Variants in DNMBP observed in about 807,000 individuals in gnomAD.
DNMBP encodes dynamin-binding protein.
Under a neutral mutation model 150.0 loss-of-function variants are expected in DNMBP, and 87 were observed. The ratio of observed to expected loss-of-function variants is 0.58; its 90% CI spans 0.49 to 0.69. The LOEUF is 0.69. DNMBP is among the 30% of genes least tolerant of loss of function. The probability of loss-of-function intolerance (pLI) is 0.00; values close to 1 mark genes in which losing one functional copy is unlikely to be tolerated. For missense variants in DNMBP, 1,774 were observed against 1,949.0 expected, an observed-to-expected ratio of 0.91 and a Z score of 1.69; for synonymous variants, 711 against 750.4, an observed-to-expected ratio of 0.95 and a Z score of 0.86.
intron 4 of DNMBP, among the ~76,000 whole-genome samples, chr10:99,939,735 C>T (rs908981055): frequency 2.0e-5 from 3 of 152,234 alleles, no homozygotes; most frequent in African/African-American, 7.2e-5. Context: ...TAGAAGGTAA[C>T]AAGATTTGCA....
rs559947538 is a variant in DNMBP, at chr10:99,902,619, T to TAAA, written c.2555-2556_2555-2554dup. ...AACACCGCACCCGGCTGCCTCCCTT[T>TAAA]AAAAAAAAAAAAAAAAAAAAATTGT... On this transcript the variant is annotated intron_variant, in intron 6 of 16. Coordinates refer to ENST00000324109, the MANE Select transcript of DNMBP (RefSeq NM_015221.4). 6.2e-3 allele frequency among the ~76,000 whole-genome samples: 770 copies of TAAA among 125,140 alleles called. 3 individuals carry two copies. Among genetic ancestry groups the TAAA allele is most frequent in the African/African-American group, 9.3e-3 (309 of 33,188 alleles). 82.1% of individuals were successfully genotyped at this position (125,140 alleles called of 152,430 possible).
chr10:99,882,163 A>G (rs1235653895), intron 15 of DNMBP, among the ~76,000 whole-genome samples: 2 of 152,164 alleles, frequency 1.3e-5, no homozygotes, highest in African/African-American at 4.8e-5. Flanking sequence ...GAATCTAGAC[A>G]AGTTGATCTC....
intron 4 of DNMBP, chr10:99,914,056 T>C (rs1367160573): frequency 6.8e-7 from 1 of 1,465,538 alleles, no homozygotes; most frequent in Non-Finnish European, 9.0e-7. Flanking sequence ...CCCCCCAAAC[T>C]CCTTTGAATA....
chr10:99,915,477 C>T (rs139552392), intron 4 of DNMBP, among the ~76,000 whole-genome samples: 36 of 151,476 alleles, frequency 2.4e-4, no homozygotes, highest in African/African-American at 7.5e-4. Flanking sequence ...GAGATAGAGG[C>T]GGGAGGATCA....
chr10:99,907,860 C>T, intron 6 of DNMBP, 135 bp downstream of exon 6: 1 of 630,066 alleles, frequency 1.6e-6, no homozygotes, highest in East Asian at 2.7e-5. Context: ...AAGCAGAGGA[C>T]AAGTAACCTC....
chr10:99,910,749 T>C (rs1400954327), intron 4 of DNMBP, among the ~76,000 whole-genome samples: 7 of 152,150 alleles, frequency 4.6e-5, no homozygotes, highest in African/African-American at 1.7e-4. Context: ...GAGGCCAGCT[T>C]GAAGGGGCTC....
intron 4 of DNMBP, chr10:99,914,132 C>T: frequency 7.6e-7 from 1 of 1,320,338 alleles, no homozygotes; most frequent in African/African-American, 1.5e-5. Context: ...CGGGCTATCA[C>T]AGCAGGGCTT....
At chr10:99,900,885 A>G (rs2039728978) in intron 6 of DNMBP, among the ~76,000 whole-genome samples, 2 of 152,210 alleles carry the variant, frequency 1.3e-5, no homozygotes, top group African/African-American at 4.8e-5. Flanking sequence ...AAAGTATATT[A>G]CATTAAAATA....
intron 11 of DNMBP, among the ~76,000 whole-genome samples, chr10:99,891,417 C>T (rs1157796898): frequency 8.6e-5 from 13 of 151,714 alleles, no homozygotes; most frequent in South Asian, 2.1e-4. Flanking sequence ...GCGAGTGATC[C>T]GCCAGCCTCG....
At chr10:100,008,726 G>C (rs186582748) in intron 1 of DNMBP, among the ~76,000 whole-genome samples, 5 of 152,298 alleles carry the variant, frequency 3.3e-5, no homozygotes, top group African/African-American at 1.2e-4. Flanking sequence ...CAATATTTTA[G>C]AGAAAAATGG....
chr10:99,955,326 G>A lies in DNMBP; in HGVS notation c.2148C>T (p.Asn716=). ...DMYSRAQEEL[N]LMLEEKQDES... ...CATCCTGCTTCTCCTCCAGCATGAG[G>A]TTTAGCTCTTCTTGAGCTCTACTGT... Residue 716 remains asparagine (N), a synonymous_variant, in exon 4 of 17, where the codon AAC becomes AAT. Coordinates refer to ENST00000324109, the MANE Select transcript of DNMBP (RefSeq NM_015221.4). 1 of 1,614,134 alleles carries A rather than the reference G, an allele frequency of 6.2e-7. No individual in the cohort carries two copies. Among genetic ancestry groups the A allele is most frequent in the Non-Finnish European group, 8.5e-7 (1 of 1,180,010 alleles).
intron 4 of DNMBP, among the ~76,000 whole-genome samples, chr10:99,946,524 A>G (rs955821024): frequency 2.0e-5 from 3 of 152,248 alleles, no homozygotes; most frequent in Non-Finnish European, 4.4e-5. Flanking sequence ...AGAATTCTCT[A>G]TACAATAAAT....
intron 4 of DNMBP, among the ~76,000 whole-genome samples, chr10:99,940,636 C>T (rs551332671): frequency 5.3e-5 from 8 of 152,326 alleles, no homozygotes; most frequent in South Asian, 2.1e-4. Flanking sequence ...CTCAATCCAA[C>T]GTCCCCTGCT....
chr10:99,897,562 T>C (rs2039673742), intron 9 of DNMBP, among the ~76,000 whole-genome samples: 1 of 152,242 alleles, frequency 6.6e-6, no homozygotes, highest in South Asian at 2.1e-4. Flanking sequence ...AAGGCTCTTA[T>C]TGCTATATAT....
Position 99,894,991 on chromosome 10 carries a change from A to T in DNMBP, c.3111T>A (p.Ile1037=). ...EKNFRMQERL[I]KSFIRDLSLY... is the part of the protein sequence containing the mutation. ...GAGACAGGTCTCGGATAAAAGACTT[A>T]ATCAATCTTTCTTGCATTCGGAAGT... The change falls in exon 11 of 17, where the codon ATT becomes ATA. Residue 1037 remains isoleucine, a synonymous_variant. Transcript: ENST00000324109. 1 of 1,614,058 alleles carries T rather than the reference A, an allele frequency of 6.2e-7. No homozygotes were observed. The highest frequency in any genetic ancestry group is 2.2e-5 in the East Asian group (1 of 44,884).
intron 10 of DNMBP, 107 bp downstream of exon 10, chr10:99,896,160 G>C: frequency 1.5e-6 from 2 of 1,309,650 alleles, no homozygotes; most frequent in Non-Finnish European, 2.1e-6. Context: ...TAAAACCGGA[G>C]GACGTCTGAG....
intron 4 of DNMBP, among the ~76,000 whole-genome samples, chr10:99,952,907 A>G (rs1222978913): frequency 6.6e-6 from 1 of 152,096 alleles, no homozygotes; most frequent in African/African-American, 2.4e-5. Flanking sequence ...ATCTCTTATT[A>G]GTATCCTGCT....
intron 4 of DNMBP, among the ~76,000 whole-genome samples, chr10:99,911,375 G>T (rs2039897283): frequency 6.6e-6 from 1 of 152,036 alleles, no homozygotes; most frequent in Non-Finnish European, 1.5e-5. Flanking sequence ...ACAAAAATTT[G>T]TATTTTGCCT....
chr10:99,930,301 CTTT>C, intron 4 of DNMBP: 1 of 702,974 alleles, frequency 1.4e-6, no homozygotes, highest in Non-Finnish European at 2.6e-6. Flanking sequence ...AACTGTTCAG[CTTT>C]TTTAGAGTCC....
Sources: gnomAD v4.1 joint callset for allele counts (sites outside exome capture counted in the v4.1 genomes callset) on GRCh38, gnomAD v4.1.1 for gene constraint, MANE v1.5 for transcripts, NCBI Gene and HGNC (gene_info 2026-07-23, HGNC 2026-07-21) for gene names.